Variants in RGS6 observed in about 807,000 individuals in gnomAD.
The protein encoded by RGS6 is regulator of G protein signaling 6, also known as regulator of G-protein signaling 6.
In RGS6, 30 loss-of-function variants were observed where a neutral mutation model predicts 78.5. The observed-to-expected ratio is 0.38, with a 90% CI of 0.29 to 0.52. The LOEUF (loss-of-function observed/expected upper bound fraction) is 0.52. RGS6 is among the 20% of genes least tolerant of loss of function. The pLI, the probability that RGS6 is intolerant of heterozygous loss-of-function variation, is 0.85. For synonymous variants in RGS6, 206 were observed against 206.0 expected (o/e 1.00, Z 0.00); for missense variants, 495 against 609.7 (o/e 0.81, Z 1.98).
chr14:72,352,073 T>A (rs752161184), intron 2 of RGS6, 22 bp from the exon 3 acceptor site: 1 of 1,570,628 alleles, frequency 6.4e-7, no homozygotes, highest in South Asian at 1.1e-5. Flanking sequence ...AAATAACACT[T>A]CTTTTCTTTA....
the RGS6 span, among the ~76,000 whole-genome samples, chr14:72,572,295 A>T: frequency 6.6e-6 from 1 of 152,248 alleles, no homozygotes; most frequent in African/African-American, 2.4e-5. Context: ...ATTCATAGGT[A>T]TATACCCAGG....
At position 72,494,730 on chromosome 14, in the gene RGS6, T is replaced by C. The variant is rs139998609; in HGVS notation, c.855-422T>C. ...TCTTTATCATAAGAAAGTCCTTCCG[T>C]TGGGAATGCTGAGCTGGCAGTCTGG... On this transcript the variant is annotated intron_variant, in intron 12 of 17. Transcript: ENST00000553525. Among the ~76,000 whole-genome samples, 535 of 152,328 alleles carry C rather than the reference T, an allele frequency of 3.5e-3. 2 individuals carry two copies. Among genetic ancestry groups the C allele is most frequent in the African/African-American group, 0.012 (505 of 41,568 alleles).
chr14:72,230,452 A>G (rs74452280), intron 2 of RGS6, among the ~76,000 whole-genome samples: 3,399 of 152,304 alleles, frequency 0.022, 72 homozygotes, highest in African/African-American at 0.051. Context: ...TGAGGGTTTG[A>G]AGGATGAGAG....
At chr14:71,978,475 G>T (rs1283139836) in intron 2 of RGS6, among the ~76,000 whole-genome samples, 1 of 49,544 alleles carries the variant, frequency 2.0e-5, no homozygotes, top group East Asian at 7.5e-4. Context: ...AGCATGAAGG[G>T]TTGTTGAATT....
chr14:72,342,262 A>T lies in RGS6; in HGVS notation c.85-9833A>T, dbSNP rs372041985. Reference sequence around the variant, plus strand: ...TGTGATACTTAAATAGGCTACTGTGACCCAATTAAGAAGCTCCCAGAGGCC... The same window carrying T: ...TGTGATACTTAAATAGGCTACTGTGTCCCAATTAAGAAGCTCCCAGAGGCC... On this transcript the variant is annotated intron_variant, in intron 2 of 17. Transcript: ENST00000553525. 3.9e-5 allele frequency among the ~76,000 whole-genome samples: 6 copies of T among 152,140 alleles called. No individual in the cohort carries two copies. In the East Asian group the frequency reaches 1.2e-3, roughly 30 times the overall value.
intron 2 of RGS6, among the ~76,000 whole-genome samples, chr14:72,331,384 C>A (rs1487500614): frequency 6.6e-6 from 1 of 152,134 alleles, no homozygotes; most frequent in Non-Finnish European, 1.5e-5. Flanking sequence ...AGACTGTATT[C>A]TTGCAGGGTT....
At chr14:72,509,917 A>G (rs1404028697) in intron 13 of RGS6, among the ~76,000 whole-genome samples, 1 of 152,226 alleles carries the variant, frequency 6.6e-6, no homozygotes, top group African/African-American at 2.4e-5. Context: ...TTTGAAGGGC[A>G]TGCCGGCAAC....
At chr14:72,475,916 TAAC>T (rs1430862418) in intron 10 of RGS6, among the ~76,000 whole-genome samples, 3 of 152,050 alleles carry the variant, frequency 2.0e-5, no homozygotes, top group South Asian at 4.2e-4. Context: ...GTCACTGACT[TAAC>T]AATATCCACT....
intron 2 of RGS6, among the ~76,000 whole-genome samples, chr14:72,077,350 A>G (rs1327642669): frequency 6.6e-6 from 1 of 152,134 alleles, no homozygotes; most frequent in African/African-American, 2.4e-5. Context: ...ATTTTACAGT[A>G]ATAGTACAAA....
chr14:72,439,429 C>T (rs567981660), intron 3 of RGS6, among the ~76,000 whole-genome samples: 7 of 152,322 alleles, frequency 4.6e-5, no homozygotes, highest in Admixed American at 1.3e-4. Flanking sequence ...AGAGGTGATG[C>T]GTGTGAGGCC....
chr14:72,009,092 C>A (rs74939303), intron 2 of RGS6, among the ~76,000 whole-genome samples: 1 of 152,182 alleles, frequency 6.6e-6, no homozygotes, highest in Non-Finnish European at 1.5e-5. Context: ...TGCTGGCTTA[C>A]GCCTATAATC....
At chr14:72,234,838 A>G (rs2050589107) in intron 2 of RGS6, among the ~76,000 whole-genome samples, 2 of 151,882 alleles carry the variant, frequency 1.3e-5, no homozygotes, top group Non-Finnish European at 2.9e-5. Context: ...GCATCTCACC[A>G]CTTTATTTCG....
chr14:72,043,472 A>G (rs1217231555), intron 2 of RGS6, among the ~76,000 whole-genome samples: 1 of 100,606 alleles, frequency 9.9e-6, no homozygotes, highest in African/African-American at 3.8e-5. Context: ...AAAAGTCTTT[A>G]TTTTTTCTTC....
intron 2 of RGS6, among the ~76,000 whole-genome samples, chr14:72,177,501 T>C (rs1567388829): frequency 6.6e-6 from 1 of 152,116 alleles, no homozygotes; most frequent in Non-Finnish European, 1.5e-5. Context: ...AGAATAACTT[T>C]TTACTACATG....
the RGS6 span, among the ~76,000 whole-genome samples, chr14:71,880,676 G>A: frequency 1.3e-5 from 2 of 152,236 alleles, no homozygotes; most frequent in Non-Finnish European, 2.9e-5. Context: ...GGGAACCTCT[G>A]TCTTGATTTC....
At chr14:72,400,231 T>C (rs749802899) in intron 3 of RGS6, among the ~76,000 whole-genome samples, 6 of 152,258 alleles carry the variant, frequency 3.9e-5, no homozygotes, top group Non-Finnish European at 7.3e-5. Context: ...GGGGCCAATA[T>C]TCAACATTCT....
At chr14:71,883,571 C>G in the RGS6 span, among the ~76,000 whole-genome samples, 53 of 152,310 alleles carry the variant, frequency 3.5e-4, no homozygotes, top group African/African-American at 1.2e-3. Flanking sequence ...CTGAGACCTA[C>G]TGGGCTGCAT....
intron 12 of RGS6, among the ~76,000 whole-genome samples, chr14:72,492,587 G>A (rs76824107): frequency 1.2e-4 from 18 of 152,302 alleles, no homozygotes; most frequent in African/African-American, 4.1e-4. Context: ...ACGGGGGCAG[G>A]AGAGAAGGTG....
At chr14:72,132,468 A>T (rs1028253613) in intron 2 of RGS6, among the ~76,000 whole-genome samples, 3 of 151,978 alleles carry the variant, frequency 2.0e-5, no homozygotes, top group African/African-American at 7.3e-5. Context: ...TAGTAGAGAC[A>T]GGGTTTCACC....
Sources: allele counts gnomAD v4.1 joint callset (sites outside exome capture counted in the v4.1 genomes callset), GRCh38; gene constraint gnomAD v4.1.1; transcripts MANE v1.5; gene names NCBI Gene and HGNC (gene_info 2026-07-23, HGNC 2026-07-21).